The following MAP4K4 variants were observed in gnomAD, a reference collection of about 807,000 sequenced individuals.
The protein encoded by MAP4K4 is HPK/GCK-like kinase HGK.
Under a neutral mutation model 189.6 loss-of-function variants are expected in MAP4K4, and 38 were observed. The ratio of observed to expected loss-of-function variants is 0.20; its 90% CI spans 0.15 to 0.26. MAP4K4 has a LOEUF of 0.26. Among genes scored for constraint, MAP4K4 ranks in the 10% least tolerant of loss-of-function variants. MAP4K4 has a pLI of 1.00. For synonymous variants in MAP4K4, 610 were observed against 624.3 expected (o/e 0.98, Z 0.34); for missense variants, 1,054 against 1,726.9 (o/e 0.61, Z 6.91).
rs2097594551 is a variant in MAP4K4 at position 101,860,160 on chromosome 2, A to G, written c.1704+296A>G. The G allele has an allele frequency of 8.8e-6, 4 of 453,536 alleles. No homozygotes were observed. The South Asian group carries it at 9.1e-5, about 10-fold the overall frequency. The allele number at this position is 453,536 out of a possible 1,614,324, so 28.1% of individuals were successfully genotyped here. On this transcript the variant is annotated intron_variant, in intron 15 of 32. Coordinates refer to ENST00000324219, the Ensembl canonical transcript of MAP4K4. ...GACACAGTCACTCTTAAAAATGTGGATGAGGGAAAGAGTGGTCTGATGAAC... is the reference window on the plus strand; with the variant it reads ...GACACAGTCACTCTTAAAAATGTGGGTGAGGGAAAGAGTGGTCTGATGAAC...
intron 2 of MAP4K4, among the ~76,000 whole-genome samples, chr2:101,779,384 T>G (rs1229444591): frequency 6.6e-6 from 1 of 152,218 alleles, no homozygotes; most frequent in Non-Finnish European, 1.5e-5. Context: ...TATTTAAGCC[T>G]TAGTAAAGCT....
chr2:101,790,824 A>G (rs778074332), intron 3 of MAP4K4, 48 bp downstream of exon 3: 1 of 1,426,472 alleles, frequency 7.0e-7, no homozygotes, highest in Non-Finnish European at 9.8e-7. Flanking sequence ...ATGGAAGACA[A>G]AGATTCCCCC....
intron 28 of MAP4K4, among the ~76,000 whole-genome samples, chr2:101,883,109 AG>A (rs1286190045): frequency 6.6e-6 from 1 of 152,194 alleles, no homozygotes; most frequent in Non-Finnish European, 1.5e-5. Flanking sequence ...CTCCACTTAG[AG>A]GTCTGGAGGT....
At chr2:101,704,422 T>G (rs1165487748) in intron 2 of MAP4K4, among the ~76,000 whole-genome samples, 1 of 151,688 alleles carries the variant, frequency 6.6e-6, no homozygotes, top group Non-Finnish European at 1.5e-5. Flanking sequence ...ATGATGGGTT[T>G]TTAACTCCTT....
rs1446413696 is a variant in MAP4K4, at chr2:101,729,099, A to AGTGTGT, written c.123+30562_123+30563insTGTGTG. On this transcript the variant is annotated intron_variant, in intron 2 of 32. Coordinates refer to ENST00000324219, the Ensembl canonical transcript of MAP4K4. ...AGAGGAGAGAGAGAGAGAGAGAGAG[A>AGTGTGT]GAGTGTGTGTGTGTGTGTGTGTGTG... Among the ~76,000 whole-genome samples, 258 of 56,728 alleles carry AGTGTGT rather than the reference A, an allele frequency of 4.5e-3. 1 individual carries two copies. The highest frequency in any genetic ancestry group is 8.9e-3 in the African/African-American group (171 of 19,282). The allele number at this position is 56,728 out of a possible 152,430, so 37.2% of individuals were successfully genotyped here.
chr2:101,872,086 C>T (rs1409836588), intron 24 of MAP4K4, among the ~76,000 whole-genome samples: 7 of 151,902 alleles, frequency 4.6e-5, no homozygotes, highest in Admixed American at 3.3e-4. Context: ...TAGGAAGATT[C>T]GGTTCAGCAG....
At chr2:101,773,859 C>CT (rs929325054) in intron 2 of MAP4K4, among the ~76,000 whole-genome samples, 14 of 152,268 alleles carry the variant, frequency 9.2e-5, no homozygotes, top group African/African-American at 3.4e-4. Context: ...TGCTTGGCTT[C>CT]TTTCGCTTAA....
In MAP4K4 at chr2:101,882,618, A is replaced by G. The variant is rs780726208; in HGVS notation, c.3453A>G (p.Pro1151=). 8.7e-6 allele frequency: 14 copies of G among 1,612,026 alleles called. No individual in the cohort carries two copies. In the Admixed American group the frequency reaches 2.2e-4, roughly 25 times the overall value. Reference sequence around the variant, plus strand: ...GAAATAAAATACTTCACAATGATCCAGAAGTTGAGAAGAAGCAGGGATGGA... The same window carrying G: ...GAAATAAAATACTTCACAATGATCCGGAAGTTGAGAAGAAGCAGGGATGGA... The change falls in exon 28 of 33, where the codon CCA becomes CCG. Residue 1151 remains proline, a synonymous_variant. Transcript: ENST00000324219.
At chr2:101,874,390 A>C in intron 26 of MAP4K4, 138 bp downstream of exon 26, 1 of 705,960 alleles carries the variant, frequency 1.4e-6, no homozygotes. Context: ...TGTTATATGC[A>C]GAGTGGTATA....
chr2:101,876,868 T>G, intron 26 of MAP4K4, 135 bp from the exon 27 acceptor site: 1 of 797,778 alleles, frequency 1.3e-6, no homozygotes, highest in Non-Finnish European at 2.0e-6. Flanking sequence ...CTTTGACTAT[T>G]TTAAGGATTT....
intron 3 of MAP4K4, among the ~76,000 whole-genome samples, chr2:101,795,760 A>C (rs60623286): frequency 0.031 from 4,756 of 152,252 alleles, 255 homozygotes; most frequent in African/African-American, 0.11. Context: ...ACATTTTTTC[A>C]AAAACCAGAA....
exon 33 of MAP4K4, chr2:101,892,861 A>G (rs530844396): frequency 1.1e-4 from 50 of 456,214 alleles, no homozygotes; most frequent in South Asian, 7.1e-4. Flanking sequence ...TTACCGTCTC[A>G]GGAAAGGATC....
At chr2:101,806,703 C>T (rs1255931076) in intron 3 of MAP4K4, among the ~76,000 whole-genome samples, 7 of 152,142 alleles carry the variant, frequency 4.6e-5, no homozygotes, top group South Asian at 2.1e-4. Context: ...TTAATGTGCC[C>T]GGTGAACTCA....
At chr2:101,806,055 C>T (rs2094899875) in intron 3 of MAP4K4, among the ~76,000 whole-genome samples, 2 of 152,192 alleles carry the variant, frequency 1.3e-5, no homozygotes, top group Admixed American at 6.5e-5. Context: ...TGCCCCACCC[C>T]ACCCACCATA....
chr2:101,731,054 CCAAA>C (rs1489087304), intron 2 of MAP4K4, among the ~76,000 whole-genome samples: 1 of 148,440 alleles, frequency 6.7e-6, no homozygotes, highest in Non-Finnish European at 1.5e-5. Context: ...AAAAAAAAAA[CCAAA>C]CAGTTGAATA....
At chr2:101,761,854 G>C (rs56852999) in intron 2 of MAP4K4, among the ~76,000 whole-genome samples, 1 of 152,102 alleles carries the variant, frequency 6.6e-6, no homozygotes. Context: ...ACCACACCCC[G>C]CTGAGTATGG....
rs2086372038 is a variant in MAP4K4 at position 101,779,813 on chromosome 2, T to TG, written c.124-10907_124-10906insG. Among the ~76,000 whole-genome samples, 6 of 151,712 alleles carry TG rather than the reference T, an allele frequency of 4.0e-5. No homozygotes were observed. The South Asian group carries it at 1.3e-3, about 32-fold the overall frequency. Reference sequence around the variant, plus strand: ...TGGGGTTTCTCTTTCACCTCTCTTTTTTTTTTTTTTAAAGGAGGGACAATA... The same window carrying TG: ...TGGGGTTTCTCTTTCACCTCTCTTTTGTTTTTTTTTTAAAGGAGGGACAATA... On this transcript the variant is annotated intron_variant, in intron 2 of 32. Coordinates refer to ENST00000324219, the Ensembl canonical transcript of MAP4K4.
At chr2:101,809,102 G>C (rs1252117500) in intron 3 of MAP4K4, among the ~76,000 whole-genome samples, 1 of 152,168 alleles carries the variant, frequency 6.6e-6, no homozygotes, top group African/African-American at 2.4e-5. Flanking sequence ...TTCAGGTGGT[G>C]AATTCCTTAA....
chr2:101,796,158 T>G lies in MAP4K4; in HGVS notation c.180+5382T>G, dbSNP rs370712082. ...TAGTCTTCTGGCCTGTCCAGTGGCC[T>G]TTCCAACATGTGGTCCTTTTTCTCA... On this transcript the variant is annotated intron_variant, in intron 3 of 32. Coordinates refer to ENST00000324219, the Ensembl canonical transcript of MAP4K4. 5.3e-4 allele frequency among the ~76,000 whole-genome samples: 81 copies of G among 152,344 alleles called. No homozygotes were observed. The South Asian group carries it at 8.3e-3, about 16-fold the overall frequency.
Sources: gnomAD v4.1 joint callset for allele counts (sites outside exome capture counted in the v4.1 genomes callset) on GRCh38, gnomAD v4.1.1 for gene constraint, MANE v1.5 for transcripts, NCBI Gene and HGNC (gene_info 2026-07-23, HGNC 2026-07-21) for gene names.